Variants in SIRPB1 observed in about 807,000 individuals in gnomAD.
SIRPB1 encodes signal-regulatory protein beta-1.
Under a neutral mutation model 34.1 loss-of-function variants are expected in SIRPB1, and 28 were observed. The observed-to-expected ratio is 0.82, with a 90% CI of 0.61 to 1.12. The LOEUF (loss-of-function observed/expected upper bound fraction) is 1.12. SIRPB1 is among the 50% of genes most tolerant of loss of function. The probability of loss-of-function intolerance (pLI) is 0.00; values close to 1 mark genes in which losing one functional copy is unlikely to be tolerated. For missense variants in SIRPB1, 499 were observed against 507.0 expected (o/e 0.98, Z 0.15); for synonymous variants, 211 against 203.8 (o/e 1.04, Z -0.30).
In SIRPB1 at chr20:1,562,601, A is replaced by T. The variant is rs1372469474; in HGVS notation, c.*2899T>A. Among the ~76,000 whole-genome samples, 1 of 152,222 alleles carries T rather than the reference A, an allele frequency of 6.6e-6. No homozygotes were observed. Among genetic ancestry groups the T allele is most frequent in the Admixed American group, 6.5e-5 (1 of 15,288 alleles). The stretch of plus-strand genomic sequence containing the variant: ...AGTCTCAAAATTTAGGTGCCATAGT[A>T]AATTTAATGTAATTTGCATAGAGTA... On this transcript the variant is annotated 3_prime_UTR_variant, in exon 6 of 6. Coordinates refer to ENST00000381605, the MANE Select transcript of SIRPB1 (RefSeq NM_006065.5).
chr20:1,571,369 A>C (rs776978375), intron 3 of SIRPB1, among the ~76,000 whole-genome samples: 1 of 152,214 alleles, frequency 6.6e-6, no homozygotes, highest in Non-Finnish European at 1.5e-5. Context: ...GCTAAGGATG[A>C]GTGAAATCTA....
At chr20:1,568,651 A>G (rs1384982348) in intron 4 of SIRPB1, among the ~76,000 whole-genome samples, 1 of 152,192 alleles carries the variant, frequency 6.6e-6, no homozygotes, top group East Asian at 1.9e-4. Flanking sequence ...GCAGCCAAAC[A>G]GCAGGGACTC....
At chr20:1,569,837 G>A (rs148137938) in intron 4 of SIRPB1, among the ~76,000 whole-genome samples, 1 of 152,298 alleles carries the variant, frequency 6.6e-6, no homozygotes, top group African/African-American at 2.4e-5. Flanking sequence ...GATGTATTCG[G>A]GTCAAAGCAC....
In SIRPB1 at chr20:1,566,138, C is replaced by G. The variant is rs771960596; in HGVS notation, c.*2+15G>C. ...TGGAGGAGCCCTTGGTCAGTCCTCC[C>G]TCTCCTAAACTTACAGTCAGGCCTT... On this transcript the variant is annotated intron_variant, in intron 5 of 5. Transcript: ENST00000381605. 3.3e-5 allele frequency: 51 copies of G among 1,555,264 alleles called. No homozygotes were observed. Among genetic ancestry groups the G allele is most frequent in the Non-Finnish European group, 4.3e-5 (49 of 1,136,692 alleles).
chr20:1,615,680 A>T (rs907424148), intron 1 of SIRPB1, among the ~76,000 whole-genome samples: 2 of 152,236 alleles, frequency 1.3e-5, no homozygotes, highest in African/African-American at 4.8e-5. Context: ...TATACAAATG[A>T]CAAAGAATGT....
rs933112486 is a variant in SIRPB1, at chr20:1,561,475, C to T, written c.*4025G>A. ...AGCATCCCATCCAGGATACCTGTTA[C>T]ATTTACTTGTCATATCTCCTCAAGC... is the stretch of plus-strand genomic sequence containing the variant. On this transcript the variant is annotated 3_prime_UTR_variant, in exon 6 of 6. Transcript: ENST00000381605. 9.2e-5 allele frequency among the ~76,000 whole-genome samples: 14 copies of T among 151,918 alleles called. No individual in the cohort carries two copies. Among genetic ancestry groups the T allele is most frequent in the Admixed American group, 5.2e-4 (8 of 15,248 alleles).
chr20:1,616,162 C>A (rs1423125436), intron 1 of SIRPB1, among the ~76,000 whole-genome samples: 1 of 152,148 alleles, frequency 6.6e-6, no homozygotes, highest in Admixed American at 6.5e-5. Context: ...TCTACAGATT[C>A]AATTCATTAT....
Position 1,571,031 on chromosome 20 carries a change from C to G in SIRPB1, c.858G>C (p.Trp286Cys). ...TCCGGGACACATTTCCATTCTCCAA[C>G]CAGGTCAGCTGTAGTCCCCGGGGGT... The part of the protein sequence containing the change: ...NFYPRGLQLT[W>C]LENGNVSRTE... Residue 286 changes from tryptophan (W) to cysteine (C), a missense_variant, in exon 4 of 6, where the codon TGG becomes TGC. By Grantham distance (215) the Trp-to-Cys change is radical (BLOSUM62 -2). Coordinates refer to ENST00000381605, the MANE Select transcript of SIRPB1 (RefSeq NM_006065.5). 2.5e-6 allele frequency: 4 copies of G among 1,614,218 alleles called. No individual in the cohort carries two copies. The highest frequency in any genetic ancestry group is 3.4e-6 in the Non-Finnish European group (4 of 1,180,036).
In SIRPB1 at chr20:1,611,060, G is replaced by A. The variant is rs1246061195; in HGVS notation, c.76+8809C>T. ...TGTGCCTGGGCAAGTCACTCAAATT[G>A]TCAGTTCCCTCATCTGTGGAACCAA... On this transcript the variant is annotated intron_variant, in intron 1 of 5. Coordinates refer to ENST00000381605, the MANE Select transcript of SIRPB1 (RefSeq NM_006065.5). Among the ~76,000 whole-genome samples, 2 of 72,622 alleles carry A rather than the reference G, an allele frequency of 2.8e-5. 1 individual carries two copies. Among genetic ancestry groups the A allele is most frequent in the African/African-American group, 1.8e-4 (2 of 11,414 alleles). The allele number at this position is 72,622 out of a possible 152,430, so 47.6% of individuals were successfully genotyped here. A position where few individuals can be genotyped will look rare whatever the true frequency, so the allele number is the denominator to read the frequency against.
chr20:1,572,060 C>T lies in SIRPB1; in HGVS notation c.434-23G>A, dbSNP rs767989870. Reference sequence around the variant, plus strand: ...TGGCTACAAAAGGACCATCGATAATCAGGAGACATGACTCAGATGACCATC... The same window carrying T: ...TGGCTACAAAAGGACCATCGATAATTAGGAGACATGACTCAGATGACCATC... On this transcript the variant is annotated intron_variant, in intron 2 of 5. Transcript: ENST00000381605. The T allele has an allele frequency of 5.0e-6, 8 of 1,613,834 alleles. No individual in the cohort carries two copies. In the South Asian group the frequency reaches 7.7e-5, roughly 16 times the overall value.
rs574048167 is a variant in SIRPB1, at chr20:1,594,636, C to T, written c.77-15942G>A. ...GAAGACTAAAGATTAGGCCTGTGGG[C>T]TTAGGATTAAAACTTCCTAGTCTGA... is the stretch of plus-strand genomic sequence containing the variant. On this transcript the variant is annotated intron_variant, in intron 1 of 5. Coordinates refer to ENST00000381605, the MANE Select transcript of SIRPB1 (RefSeq NM_006065.5). 8.3e-5 allele frequency among the ~76,000 whole-genome samples: 4 copies of T among 48,210 alleles called. 1 individual carries two copies. In the East Asian group the frequency reaches 2.4e-3, roughly 29 times the overall value. 31.6% of individuals were successfully genotyped at this position (48,210 alleles called of 152,430 possible).
chr20:1,590,413 A>G lies in SIRPB1; in HGVS notation c.77-11719T>C, dbSNP rs980986690. ...TCTTTATGTGACATGAAGGAATAGC[A>G]GCAGTTATCATTTATTGCAGAAGTC... is the stretch of plus-strand genomic sequence containing the variant. On this transcript the variant is annotated intron_variant, in intron 1 of 5. Coordinates refer to ENST00000381605, the MANE Select transcript of SIRPB1 (RefSeq NM_006065.5). Among the ~76,000 whole-genome samples, 242 of 49,620 alleles carry G rather than the reference A, an allele frequency of 4.9e-3. 105 individuals carry two copies. Among genetic ancestry groups the G allele is most frequent in the Middle Eastern group, 0.033 (2 of 60 alleles). The allele number at this position is 49,620 out of a possible 152,430, so 32.6% of individuals were successfully genotyped here.
chr20:1,569,335 A>G (rs1236409881), intron 4 of SIRPB1, among the ~76,000 whole-genome samples: 2 of 152,230 alleles, frequency 1.3e-5, no homozygotes, highest in African/African-American at 4.8e-5. Flanking sequence ...TCCATTTTAG[A>G]TGATATGAGG....
At chr20:1,615,250 C>G (rs377456364) in intron 1 of SIRPB1, among the ~76,000 whole-genome samples, 11 of 152,280 alleles carry the variant, frequency 7.2e-5, no homozygotes, top group African/African-American at 2.4e-4. Context: ...GTCTCTAAAC[C>G]ACTCATGATG....
intron 1 of SIRPB1, among the ~76,000 whole-genome samples, chr20:1,599,156 G>A (rs1341040053): frequency 2.0e-5 from 1 of 49,474 alleles, no homozygotes; most frequent in African/African-American, 1.3e-4. Flanking sequence ...TTGTCCTCCC[G>A]GAGGGACGAA....
In SIRPB1 at chr20:1,617,537, G is replaced by C. The variant is rs530154104; in HGVS notation, c.76+2332C>G. 6.6e-5 allele frequency among the ~76,000 whole-genome samples: 10 copies of C among 152,276 alleles called. No individual in the cohort carries two copies. In the South Asian group the frequency reaches 2.1e-3, roughly 32 times the overall value. On this transcript the variant is annotated intron_variant, in intron 1 of 5. Transcript: ENST00000381605. Reference sequence around the variant, plus strand: ...ATTGGTTACCAGGCACTAGGCAGGGGGTGCATTTGGAGAGATATTGGTCAA... The same window carrying C: ...ATTGGTTACCAGGCACTAGGCAGGGCGTGCATTTGGAGAGATATTGGTCAA...
In SIRPB1 at chr20:1,588,494, AG is replaced by A; in HGVS notation, c.77-9801del. 6 of 499,914 alleles carry A rather than the reference AG, an allele frequency of 1.2e-5. 2 individuals carry two copies. The highest frequency in any genetic ancestry group is 1.6e-5 in the Non-Finnish European group (6 of 375,330). 31.0% of individuals were successfully genotyped at this position (499,914 alleles called of 1,614,324 possible). A position where few individuals can be genotyped will look rare whatever the true frequency, so the allele number is the denominator to read the frequency against. ...ACTTGTGGTTGTCTGGAATCCCCAAAGGTCCAGGGACAGGATATAGCCCTGC... is the reference window on the plus strand; with the variant it reads ...ACTTGTGGTTGTCTGGAATCCCCAAAGTCCAGGGACAGGATATAGCCCTGC... On this transcript the variant is annotated intron_variant, in intron 1 of 5. Transcript: ENST00000381605.
At chr20:1,614,002 A>T (rs1445064069) in intron 1 of SIRPB1, among the ~76,000 whole-genome samples, 1 of 152,224 alleles carries the variant, frequency 6.6e-6, no homozygotes, top group Non-Finnish European at 1.5e-5. Flanking sequence ...AGCAAGACAG[A>T]AGTGATTCCT....
chr20:1,610,498 C>A lies in SIRPB1; in HGVS notation c.76+9371G>T, dbSNP rs186582050. The stretch of plus-strand genomic sequence containing the variant: ...CCATAATTCAGGACTTAGGACGAAG[C>A]TCTTGGGCCTCTGGGAGGAAACCCC... On this transcript the variant is annotated intron_variant, in intron 1 of 5. Transcript: ENST00000381605. Among the ~76,000 whole-genome samples, 10 of 72,406 alleles carry A rather than the reference C, an allele frequency of 1.4e-4. 4 individuals are homozygous for A. The highest frequency in any genetic ancestry group is 1.1e-3 in the Admixed American group (10 of 8,938). 47.5% of individuals were successfully genotyped at this position (72,406 alleles called of 152,430 possible).
Sources: allele counts gnomAD v4.1 joint callset (sites outside exome capture counted in the v4.1 genomes callset), GRCh38; gene constraint gnomAD v4.1.1; transcripts MANE v1.5; gene names NCBI Gene and HGNC (gene_info 2026-07-23, HGNC 2026-07-21).